The following SV2C variants were observed in gnomAD, a reference collection of about 807,000 sequenced individuals.
SV2C encodes the protein synaptic vesicle glycoprotein 2C.
Under a neutral mutation model 79.7 loss-of-function variants are expected in SV2C, and 49 were observed. That is an observed-to-expected ratio of 0.61 (90% CI 0.49 to 0.78). SV2C has a LOEUF of 0.78. SV2C is among the 30% of genes least tolerant of loss of function. The pLI is 0.00. For synonymous variants in SV2C, 334 were observed against 333.2 expected, an observed-to-expected ratio of 1.00 and a Z score of -0.03; for missense variants, 833 against 912.9, an observed-to-expected ratio of 0.91 and a Z score of 1.13.
intron 2 of SV2C, among the ~76,000 whole-genome samples, chr5:76,170,703 T>C (rs1048899249): frequency 3.3e-5 from 5 of 149,976 alleles, no homozygotes; most frequent in African/African-American, 1.2e-4. Flanking sequence ...GACATTATAC[T>C]GAAAGGACTA....
chr5:76,297,704 T>G (rs563747383), intron 9 of SV2C, among the ~76,000 whole-genome samples: 1 of 152,304 alleles, frequency 6.6e-6, no homozygotes, highest in East Asian at 1.9e-4. Context: ...TTTAAGCTGA[T>G]TGGTCTGTGA....
the SV2C span, among the ~76,000 whole-genome samples, chr5:75,904,534 C>T: frequency 6.6e-6 from 1 of 151,896 alleles, no homozygotes; most frequent in Admixed American, 6.6e-5. Context: ...CTGCCCCTGT[C>T]CAGAGCGTCA....
intron 1 of SV2C, among the ~76,000 whole-genome samples, chr5:76,111,749 A>G (rs1441773937): frequency 1.3e-5 from 2 of 152,186 alleles, no homozygotes; most frequent in African/African-American, 4.8e-5. Flanking sequence ...CTGTTCCTGC[A>G]TCGTGTGAGT....
the SV2C span, among the ~76,000 whole-genome samples, chr5:75,869,911 G>A: frequency 6.6e-6 from 1 of 152,186 alleles, no homozygotes; most frequent in Admixed American, 6.5e-5. Context: ...GACCATCAAG[G>A]TGGTACATCT....
chr5:75,852,798 C>G, the SV2C span, among the ~76,000 whole-genome samples: 3 of 140,956 alleles, frequency 2.1e-5, no homozygotes, highest in African/African-American at 8.4e-5. Flanking sequence ...TGCACTCCAG[C>G]CTGGGCGACA....
Position 76,132,034 on chromosome 5 carries a change from G to T in SV2C, c.284G>T (p.Gly95Val). Residue 95 changes from glycine to valine, a missense_variant, in exon 2 of 13, where the codon GGC becomes GTC. Transcript: ENST00000502798. ...GAGATCTATGAGGGGGAGTATCAGG[G>T]CATCCCCAGTATGAACCAAGCGAAG... ...DDEIYEGEYQ[G>V]IPSMNQAKDS... The T allele has an allele frequency of 6.2e-7, 1 of 1,612,560 alleles. No homozygotes were observed. Among genetic ancestry groups the T allele is most frequent in the South Asian group, 1.1e-5 (1 of 90,794 alleles).
At chr5:75,979,448 C>T in the SV2C span, among the ~76,000 whole-genome samples, 3 of 150,560 alleles carry the variant, frequency 2.0e-5, no homozygotes, top group East Asian at 5.8e-4. Context: ...TCACATGGCA[C>T]TTAGTCTAAA....
the SV2C span, among the ~76,000 whole-genome samples, chr5:76,053,418 C>T: frequency 3.6e-4 from 55 of 150,888 alleles, 2 homozygotes; most frequent in South Asian, 0.011. Flanking sequence ...TCTGGAGTTC[C>T]ATATCATTCA....
the SV2C span, among the ~76,000 whole-genome samples, chr5:75,915,751 G>A: frequency 6.6e-6 from 1 of 152,206 alleles, no homozygotes; most frequent in East Asian, 1.9e-4. Context: ...TCCTCAATGA[G>A]TGATGCAGAC....
the SV2C span, among the ~76,000 whole-genome samples, chr5:76,070,281 T>C: frequency 6.6e-6 from 1 of 152,186 alleles, no homozygotes; most frequent in African/African-American, 2.4e-5. Flanking sequence ...CCTCATCAAG[T>C]GTCCTGTTTA....
chr5:76,345,076 C>T (rs1351063214), intron 12 of SV2C, among the ~76,000 whole-genome samples: 1 of 152,190 alleles, frequency 6.6e-6, no homozygotes, highest in Non-Finnish European at 1.5e-5. Context: ...TCTCTTTTGC[C>T]TTTTTAGGCA....
chr5:76,069,431 C>T, the SV2C span, among the ~76,000 whole-genome samples: 13 of 152,184 alleles, frequency 8.5e-5, no homozygotes, highest in African/African-American at 3.1e-4. Flanking sequence ...CTCTGACATC[C>T]CTGATCGTCA....
Position 76,332,690 on chromosome 5 carries a change from T to G in SV2C, c.*7143T>G, listed in dbSNP as rs892796881. The G allele has an allele frequency of 3.3e-5, 5 of 152,206 alleles. No homozygotes were observed. Among genetic ancestry groups the G allele is most frequent in the African/African-American group, 1.2e-4 (5 of 41,434 alleles). 9.4% of individuals were successfully genotyped at this position (152,206 alleles called of 1,614,324 possible). A position where few individuals can be genotyped will look rare whatever the true frequency, so the allele number is the denominator to read the frequency against. ...TTTGAGATCAGCTATAGTGGTGGTATTTATACCATGGAAAGCAACAAAGCC... is the reference window on the plus strand; with the variant it reads ...TTTGAGATCAGCTATAGTGGTGGTAGTTATACCATGGAAAGCAACAAAGCC... On this transcript the variant is annotated 3_prime_UTR_variant, in exon 13 of 13. Coordinates refer to ENST00000502798, the MANE Select transcript of SV2C (RefSeq NM_014979.4).
the SV2C span, among the ~76,000 whole-genome samples, chr5:75,909,750 A>G: frequency 2.0e-5 from 3 of 152,186 alleles, no homozygotes; most frequent in Non-Finnish European, 4.4e-5. Flanking sequence ...ATGCAAACCA[A>G]TTAACCTATC....
rs1270665525 is a variant in SV2C at position 76,130,176 on chromosome 5, AAAAAG to A, written c.-101-1472_-101-1468del. Among the ~76,000 whole-genome samples the A allele has an allele frequency of 3.1e-3, 328 of 106,970 alleles. 6 individuals are homozygous for A. Among genetic ancestry groups the A allele is most frequent in the Non-Finnish European group, 4.5e-3 (219 of 48,692 alleles). 70.2% of individuals were successfully genotyped at this position (106,970 alleles called of 152,430 possible). A position where few individuals can be genotyped will look rare whatever the true frequency, so the allele number is the denominator to read the frequency against. ...AAAAAAAAAAAAAAAAAAAAAAAAAAAAAAGAGCTGGGGGAGAACAAACAGAAAAA... is the reference window on the plus strand; with the variant it reads ...AAAAAAAAAAAAAAAAAAAAAAAAAAAGCTGGGGGAGAACAAACAGAAAAA... On this transcript the variant is annotated intron_variant, in intron 1 of 12. Coordinates refer to ENST00000502798, the MANE Select transcript of SV2C (RefSeq NM_014979.4).
At chr5:76,323,954 C>T (rs1368851204) in intron 12 of SV2C, among the ~76,000 whole-genome samples, 2 of 152,030 alleles carry the variant, frequency 1.3e-5, no homozygotes, top group African/African-American at 2.4e-5. Context: ...CACCATGGCA[C>T]ATGTATACCT....
the SV2C span, among the ~76,000 whole-genome samples, chr5:75,902,374 A>G: frequency 1.3e-5 from 2 of 152,198 alleles, no homozygotes; most frequent in African/African-American, 4.8e-5. Flanking sequence ...CTGTGCCTTC[A>G]CAGAAGGTGC....
chr5:75,911,336 TC>T, the SV2C span: 1 of 1,335,588 alleles, frequency 7.5e-7, no homozygotes, highest in Non-Finnish European at 1.1e-6. Context: ...ACAGAAGTAG[TC>T]CTCCAAACCC....
chr5:76,197,070 C>A (rs1037247934), intron 3 of SV2C, among the ~76,000 whole-genome samples: 2 of 152,228 alleles, frequency 1.3e-5, no homozygotes, highest in African/African-American at 4.8e-5. Flanking sequence ...CCTACTCCTG[C>A]CCATTATCAT....
Sources: allele counts gnomAD v4.1 joint callset (sites outside exome capture counted in the v4.1 genomes callset), GRCh38; gene constraint gnomAD v4.1.1; transcripts MANE v1.5; gene names NCBI Gene and HGNC (gene_info 2026-07-23, HGNC 2026-07-21).